The following AFG2A variants were observed in gnomAD, a reference collection of about 807,000 sequenced individuals.
AFG2A encodes the protein AAA ATPase AFG2A.
chr4:123,210,007 GCCTTAAC>G, the AFG2A span, among the ~76,000 whole-genome samples: 2 of 152,116 alleles, frequency 1.3e-5, no homozygotes, highest in Non-Finnish European at 1.5e-5. Context: ...CCGTCAGCAT[GCCTTAAC>G]CTTTCCAGCA....
the AFG2A span, among the ~76,000 whole-genome samples, chr4:123,160,464 A>G: frequency 3.9e-5 from 6 of 152,158 alleles, no homozygotes; most frequent in Non-Finnish European, 8.8e-5. Flanking sequence ...TCCAAAGACC[A>G]GGCTTCCTTT....
chr4:123,092,989 AC>A, the AFG2A span, among the ~76,000 whole-genome samples: 3 of 152,126 alleles, frequency 2.0e-5, no homozygotes, highest in Non-Finnish European at 4.4e-5. Context: ...AAATCTCTGG[AC>A]CTTGAAGTCA....
At chr4:123,127,185 C>T in the AFG2A span, among the ~76,000 whole-genome samples, 1 of 152,164 alleles carries the variant, frequency 6.6e-6, no homozygotes, top group African/African-American at 2.4e-5. Context: ...GCCTGGGTGA[C>T]AGGGTGAGAC....
At chr4:123,052,208 C>T in the AFG2A span, among the ~76,000 whole-genome samples, 1 of 151,998 alleles carries the variant, frequency 6.6e-6, no homozygotes, top group African/African-American at 2.4e-5. Flanking sequence ...TTCTTTCTTC[C>T]TTTTCATCAG....
chr4:123,127,226 C>T, the AFG2A span, among the ~76,000 whole-genome samples: 2 of 152,112 alleles, frequency 1.3e-5, no homozygotes, highest in Non-Finnish European at 2.9e-5. Flanking sequence ...AAACATAAGA[C>T]ACAGAAGCTA....
the AFG2A span, among the ~76,000 whole-genome samples, chr4:122,930,078 A>C: frequency 6.6e-6 from 1 of 152,232 alleles, no homozygotes; most frequent in African/African-American, 2.4e-5. Context: ...AACAGAAACA[A>C]GTTTTAATTA....
the AFG2A span, among the ~76,000 whole-genome samples, chr4:122,931,029 A>C: frequency 0.28 from 42,150 of 152,146 alleles, 6,256 homozygotes; most frequent in South Asian, 0.45. Context: ...TAAATCCTTC[A>C]GTTGCAACTG....
the AFG2A span, chr4:123,028,199 A>C: frequency 2.5e-6 from 4 of 1,613,950 alleles, no homozygotes; most frequent in Admixed American, 6.7e-5. Context: ...TCCTGGTCAG[A>C]TATAGGAGGA....
chr4:123,069,150 A>G, the AFG2A span, among the ~76,000 whole-genome samples: 3 of 152,208 alleles, frequency 2.0e-5, no homozygotes, highest in Non-Finnish European at 4.4e-5. Flanking sequence ...AAAGGCCAAC[A>G]AAGGATAGCA....
At chr4:122,959,280 A>G in the AFG2A span, among the ~76,000 whole-genome samples, 1 of 152,220 alleles carries the variant, frequency 6.6e-6, no homozygotes, top group East Asian at 1.9e-4. Flanking sequence ...TGTGATAGTA[A>G]TGTGCTCTTC....
chr4:123,030,670 A>G, the AFG2A span, among the ~76,000 whole-genome samples: 9 of 152,174 alleles, frequency 5.9e-5, no homozygotes, highest in African/African-American at 1.9e-4. Context: ...GTATTATTCA[A>G]TTTTTGAATC....
At chr4:122,972,584 A>G in the AFG2A span, among the ~76,000 whole-genome samples, 1 of 150,346 alleles carries the variant, frequency 6.7e-6, no homozygotes, top group African/African-American at 2.4e-5. Flanking sequence ...TGTCCCCTTC[A>G]GTACTGCAGT....
chr4:123,071,773 A>G, the AFG2A span, among the ~76,000 whole-genome samples: 1 of 152,324 alleles, frequency 6.6e-6, no homozygotes, highest in South Asian at 2.1e-4. Context: ...TTCCTGCTGA[A>G]TGTTGATCAT....
chr4:123,136,560 G>C, the AFG2A span, among the ~76,000 whole-genome samples: 7 of 151,974 alleles, frequency 4.6e-5, no homozygotes, highest in African/African-American at 1.7e-4. Flanking sequence ...TGTAGTCCCA[G>C]CTACCTGGGA....
chr4:122,954,284 G>A, the AFG2A span, among the ~76,000 whole-genome samples: 1 of 152,142 alleles, frequency 6.6e-6, no homozygotes, highest in Non-Finnish European at 1.5e-5. Context: ...AGACAGAGAA[G>A]CCACCTCTCA....
the AFG2A span, among the ~76,000 whole-genome samples, chr4:123,283,776 ACGTATTGCCCATGGCTGCTT>A: frequency 6.6e-6 from 1 of 152,208 alleles, no homozygotes; most frequent in African/African-American, 2.4e-5. Context: ...TCATTCATTT[ACGTATTGCCCATGGCTGCTT>A]CCACACTGCA....
chr4:123,177,526 A>G, the AFG2A span, among the ~76,000 whole-genome samples: 7 of 152,136 alleles, frequency 4.6e-5, no homozygotes, highest in South Asian at 1.0e-3. Context: ...TGATTTTTTT[A>G]GGAGTAAAGA....
the AFG2A span, among the ~76,000 whole-genome samples, chr4:123,098,342 C>T: frequency 6.6e-6 from 1 of 151,942 alleles, no homozygotes; most frequent in Non-Finnish European, 1.5e-5. Flanking sequence ...TTAACATGTG[C>T]ATTACTTCAC....
At chr4:123,110,841 A>G in the AFG2A span, among the ~76,000 whole-genome samples, 1 of 152,210 alleles carries the variant, frequency 6.6e-6, no homozygotes, top group Non-Finnish European at 1.5e-5. Context: ...TAAGTAATGA[A>G]GGCAGTATTG....
Sources: gnomAD v4.1 joint callset for allele counts (sites outside exome capture counted in the v4.1 genomes callset) on GRCh38, gnomAD v4.1.1 for gene constraint, MANE v1.5 for transcripts, NCBI Gene and HGNC (gene_info 2026-07-23, HGNC 2026-07-21) for gene names.